MLLT1: variants seen among roughly 807,000 people sequenced by gnomAD.
MLLT1 encodes the protein MLLT1 super elongation complex subunit.
A neutral mutation model predicts 55.1 loss-of-function variants in MLLT1; 11 were observed. That is an observed-to-expected ratio of 0.20 (90% CI 0.13 to 0.33). MLLT1 has a LOEUF of 0.33. Among genes scored for constraint, MLLT1 ranks in the 10% least tolerant of loss-of-function variants. The pLI is 1.00. For synonymous variants in MLLT1, 323 were observed against 320.1 expected (o/e 1.01, Z -0.10); for missense variants, 536 against 760.6 (o/e 0.70, Z 3.47).
At chr19:6,242,098 G>A (rs985929161) in intron 3 of MLLT1, among the ~76,000 whole-genome samples, 2 of 152,294 alleles carry the variant, frequency 1.3e-5, no homozygotes, top group African/African-American at 4.8e-5. Context: ...GGCTCAGAGG[G>A]GGCTCCCTGC....
At chr19:6,277,922 A>G (rs1212183901) in intron 1 of MLLT1, among the ~76,000 whole-genome samples, 1 of 152,198 alleles carries the variant, frequency 6.6e-6, no homozygotes, top group Non-Finnish European at 1.5e-5. Flanking sequence ...AAATCCACCA[A>G]TCAACTGCTG....
intron 3 of MLLT1, among the ~76,000 whole-genome samples, chr19:6,249,729 T>C (rs987157265): frequency 2.0e-5 from 3 of 151,876 alleles, no homozygotes; most frequent in African/African-American, 4.8e-5. Flanking sequence ...ATCCAGAAGA[T>C]ATAAAGGACC....
At chr19:6,259,430 G>C (rs951516251) in intron 3 of MLLT1, 1 of 152,202 alleles carries the variant, frequency 6.6e-6, no homozygotes, top group East Asian at 1.9e-4. Flanking sequence ...TGGACAACTG[G>C]TGTGTGTTTA....
intron 7 of MLLT1, 84 bp downstream of exon 7, chr19:6,217,870 T>C: frequency 6.6e-7 from 1 of 1,511,886 alleles, no homozygotes; most frequent in Non-Finnish European, 8.8e-7. Context: ...GTGCAGGCAG[T>C]GGACGCTGAG....
intron 3 of MLLT1, among the ~76,000 whole-genome samples, chr19:6,255,349 T>C (rs1180219809): frequency 1.3e-5 from 2 of 152,094 alleles, no homozygotes; most frequent in Non-Finnish European, 2.9e-5. Context: ...AAAAATTAGC[T>C]GGGCGTGGTG....
Position 6,235,519 on chromosome 19 carries a change from C to A in MLLT1, c.277-4806G>T, listed in dbSNP as rs558093542. Among the ~76,000 whole-genome samples, 38 of 152,202 alleles carry A rather than the reference C, an allele frequency of 2.5e-4. No individual in the cohort carries two copies. The highest frequency in any genetic ancestry group is 1.0e-3 in the South Asian group (5 of 4,836). ...CAGACGGTACCAAAGCACTGGGATG[C>A]CCCAGGGACGCTCCCTAGCTCTGCC... On this transcript the variant is annotated intron_variant, in intron 3 of 11. Transcript: ENST00000252674. This position sits in a 1 kb window ranked among gnomAD's most constrained non-coding sequence, Gnocchi z 5.5.
rs1020407427 is a variant in MLLT1, at chr19:6,245,379, G to A, written c.277-14666C>T. On this transcript the variant is annotated intron_variant, in intron 3 of 11. Coordinates refer to ENST00000252674, the MANE Select transcript of MLLT1 (RefSeq NM_005934.4). ...AGTGCTGGGATTACAGGTATAAGCC[G>A]CCGTGCCCAGCCCTTAAAAAAGTTT... Among the ~76,000 whole-genome samples, 8 of 149,424 alleles carry A rather than the reference G, an allele frequency of 5.4e-5. No individual in the cohort carries two copies. The East Asian group carries it at 6.1e-4, about 11-fold the overall frequency.
At chr19:6,245,729 A>AT (rs71172799) in intron 3 of MLLT1, among the ~76,000 whole-genome samples, 16 of 150,866 alleles carry the variant, frequency 1.1e-4, no homozygotes, top group East Asian at 2.0e-4. Flanking sequence ...AACAAATAAA[A>AT]TTTTTTTTTA....
rs1371023978 is a variant in MLLT1, at chr19:6,235,849, C to T, written c.277-5136G>A. Among the ~76,000 whole-genome samples, 1 of 152,170 alleles carries T rather than the reference C, an allele frequency of 6.6e-6. No homozygotes were observed. Among genetic ancestry groups the T allele is most frequent in the Non-Finnish European group, 1.5e-5 (1 of 68,030 alleles). On this transcript the variant is annotated intron_variant, in intron 3 of 11. Coordinates refer to ENST00000252674, the MANE Select transcript of MLLT1 (RefSeq NM_005934.4). The surrounding 1 kb of genome is among the most constrained non-coding windows in gnomAD (Gnocchi z 5.5). ...GGACATGCTGCCTTCTTCCACGCCT[C>T]CTCCACCCAGCTCACCCCTTCCTGA...
Position 6,256,611 on chromosome 19 carries a change from A to G in MLLT1, c.276+5617T>C, listed in dbSNP as rs1379826111. On this transcript the variant is annotated intron_variant, in intron 3 of 11. Transcript: ENST00000252674. The surrounding 1 kb of genome is among the most constrained non-coding windows in gnomAD (Gnocchi z 4.1). ...CTACTACAAATACAAAAAATTAGCC[A>G]GGCGTGGTGGCGGGCACCTGTAGTC... 2.0e-5 allele frequency among the ~76,000 whole-genome samples: 3 copies of G among 151,596 alleles called. No homozygotes were observed. Among genetic ancestry groups the G allele is most frequent in the Non-Finnish European group, 4.4e-5 (3 of 67,938 alleles).
chr19:6,257,849 G>A (rs1007557971), intron 3 of MLLT1, among the ~76,000 whole-genome samples: 2 of 152,212 alleles, frequency 1.3e-5, no homozygotes, highest in South Asian at 2.1e-4. Context: ...GACATTTCTC[G>A]AGAAAGAGAT....
At position 6,270,361 on chromosome 19, in the gene MLLT1, GA is replaced by G. The variant is rs1478287871; in HGVS notation, c.193+217del. On this transcript the variant is annotated intron_variant, in intron 2 of 11. Transcript: ENST00000252674. The surrounding 1 kb of genome is among the most constrained non-coding windows in gnomAD (Gnocchi z 7.1). ...TTCCCAGAGCCCGGGTCTAAATCAC[GA>G]CACAACAGACCGCCACCACCTCCTT... Among the ~76,000 whole-genome samples the G allele has an allele frequency of 6.6e-6, 1 of 152,058 alleles. No homozygotes were observed. The highest frequency in any genetic ancestry group is 1.5e-5 in the Non-Finnish European group (1 of 68,014).
chr19:6,276,340 C>T (rs1453348650), intron 1 of MLLT1, among the ~76,000 whole-genome samples: 5 of 152,128 alleles, frequency 3.3e-5, no homozygotes, highest in Non-Finnish European at 7.4e-5. Context: ...CCCACCCTTG[C>T]CTGCTGGTAG....
At chr19:6,261,349 C>CCTCT (rs773517342) in intron 3 of MLLT1, among the ~76,000 whole-genome samples, 4 of 152,234 alleles carry the variant, frequency 2.6e-5, no homozygotes, top group Non-Finnish European at 5.9e-5. Context: ...ACGCCAAATG[C>CCTCT]CTCTCCTCAA....
rs530502541 is a variant in MLLT1, at chr19:6,230,741, C to T, written c.277-28G>A. ...GAAACAGAGAAAACAAGAAAGTCTG[C>T]ATCAGAGGGTGGCCGTGGTGCAGGG... On this transcript the variant is annotated intron_variant, in intron 3 of 11. Transcript: ENST00000252674. The surrounding 1 kb of genome is among the most constrained non-coding windows in gnomAD (Gnocchi z 9.0). 57 of 1,612,412 alleles carry T rather than the reference C, an allele frequency of 3.5e-5. No homozygotes were observed. In the South Asian group the frequency reaches 5.9e-4, roughly 17 times the overall value.
rs757620559 is a variant in MLLT1 at position 6,210,626 on chromosome 19, C to T, written c.*2416G>A. The T allele has an allele frequency of 1.7e-4, 38 of 226,762 alleles. No homozygotes were observed. The highest frequency in any genetic ancestry group is 1.3e-3 in the Middle Eastern group (1 of 784). The allele number at this position is 226,762 out of a possible 1,614,324, so 14.0% of individuals were successfully genotyped here. A position where few individuals can be genotyped will look rare whatever the true frequency, so the allele number is the denominator to read the frequency against. ...GTATTCGATACCATTTGCTTTCCGGCGTCGGTTTACATTTTTGTTCAGGAG... is the reference window on the plus strand; with the variant it reads ...GTATTCGATACCATTTGCTTTCCGGTGTCGGTTTACATTTTTGTTCAGGAG... On this transcript the variant is annotated 3_prime_UTR_variant, in exon 12 of 12. Transcript: ENST00000252674. The surrounding 1 kb of genome is among the most constrained non-coding windows in gnomAD (Gnocchi z 4.6).
chr19:6,228,736 A>G (rs914077655), intron 4 of MLLT1, among the ~76,000 whole-genome samples: 2 of 152,026 alleles, frequency 1.3e-5, no homozygotes, highest in Admixed American at 1.3e-4. Context: ...AGCCCCTGCC[A>G]CCGAGGCCTC....
At position 6,222,047 on chromosome 19, in the gene MLLT1, C is replaced by A; in HGVS notation, c.1110+74G>T. The A allele has an allele frequency of 7.7e-7, 1 of 1,294,986 alleles. No individual in the cohort carries two copies. 80.2% of individuals were successfully genotyped at this position (1,294,986 alleles called of 1,614,324 possible). ...GTCCTGGCTCAGATCCCACCTCCTT[C>A]CGCTGTTCCAGAAGGGAGGCGGGTC... On this transcript the variant is annotated intron_variant, in intron 6 of 11. Coordinates refer to ENST00000252674, the MANE Select transcript of MLLT1 (RefSeq NM_005934.4). The surrounding 1 kb of genome is among the most constrained non-coding windows in gnomAD (Gnocchi z 4.1).
At chr19:6,275,207 T>G (rs548653288) in intron 1 of MLLT1, among the ~76,000 whole-genome samples, 1 of 152,346 alleles carries the variant, frequency 6.6e-6, no homozygotes, top group South Asian at 2.1e-4. Context: ...TCTGGGAACT[T>G]GGACTTCGCC....
Sources: gnomAD v4.1 joint callset for allele counts (sites outside exome capture counted in the v4.1 genomes callset) on GRCh38, gnomAD v4.1.1 for gene constraint, Gnocchi (gnomAD v3.1) non-coding constraint, MANE v1.5 for transcripts, NCBI Gene and HGNC (gene_info 2026-07-23, HGNC 2026-07-21) for gene names.